MYO5B: variants seen among roughly 807,000 people sequenced by gnomAD.
The protein encoded by MYO5B is unconventional myosin-Vb.
In MYO5B, 143 loss-of-function variants were observed where a neutral mutation model predicts 229.3. The ratio of observed to expected loss-of-function variants is 0.62; its 90% CI spans 0.54 to 0.72. MYO5B has a LOEUF of 0.72. MYO5B is among the 30% of genes least tolerant of loss of function. MYO5B has a pLI of 0.00. For missense variants in MYO5B, 2,321 were observed against 2,331.0 expected, an observed-to-expected ratio of 1.00 and a Z score of 0.09; for synonymous variants, 918 against 885.2, an observed-to-expected ratio of 1.04 and a Z score of -0.66.
chr18:49,933,395 G>A (rs530969414), intron 16 of MYO5B, among the ~76,000 whole-genome samples: 1 of 152,204 alleles, frequency 6.6e-6, no homozygotes, highest in Non-Finnish European at 1.5e-5. Context: ...AATTCCTTAA[G>A]CATAGGGGAC....
At chr18:50,082,632 T>C (rs181822967) in intron 1 of MYO5B, among the ~76,000 whole-genome samples, 17 of 152,322 alleles carry the variant, frequency 1.1e-4, no homozygotes, top group Non-Finnish European at 2.4e-4. Flanking sequence ...AACTGTAGGA[T>C]TGGGACCTCA....
chr18:50,138,956 A>G (rs1471798187), intron 1 of MYO5B, among the ~76,000 whole-genome samples: 1 of 152,152 alleles, frequency 6.6e-6, no homozygotes, highest in African/African-American at 2.4e-5. Flanking sequence ...CTCACCCTCA[A>G]CATCTGCCTC....
intron 22 of MYO5B, among the ~76,000 whole-genome samples, chr18:49,882,207 G>A (rs2144110633): frequency 6.6e-6 from 1 of 152,268 alleles, no homozygotes. Context: ...ACGGCTGGCT[G>A]ATCCGTCACC....
chr18:50,070,957 A>C (rs1397642048), intron 1 of MYO5B, among the ~76,000 whole-genome samples: 2 of 152,140 alleles, frequency 1.3e-5, no homozygotes, highest in Non-Finnish European at 2.9e-5. Context: ...GGTAGCTGGG[A>C]CATTTGGGCC....
intron 2 of MYO5B, among the ~76,000 whole-genome samples, chr18:50,050,116 C>T (rs2144408728): frequency 6.6e-6 from 1 of 152,184 alleles, no homozygotes; most frequent in South Asian, 2.1e-4. Flanking sequence ...CATAACTGAG[C>T]AACTGAAAGC....
intron 1 of MYO5B, among the ~76,000 whole-genome samples, chr18:50,129,224 C>G (rs983525614): frequency 1.3e-5 from 2 of 152,208 alleles, no homozygotes; most frequent in African/African-American, 4.8e-5. Context: ...ATTCCTGGAG[C>G]TGGAGCTAGA....
chr18:49,950,460 A>C (rs1411595558), intron 14 of MYO5B, among the ~76,000 whole-genome samples: 1 of 152,224 alleles, frequency 6.6e-6, no homozygotes, highest in African/African-American at 2.4e-5. Flanking sequence ...ATAATTGTAC[A>C]GAAGTATGCA....
intron 9 of MYO5B, among the ~76,000 whole-genome samples, chr18:49,975,877 C>T (rs1259816303): frequency 6.6e-6 from 1 of 152,160 alleles, no homozygotes; most frequent in East Asian, 1.9e-4. Flanking sequence ...GAGTCTTGAC[C>T]CTCATTTACC....
In MYO5B at chr18:50,040,299, T is replaced by C. The variant is rs761877616; in HGVS notation, c.154A>G (p.Ile52Val). 33 of 1,614,004 alleles carry C rather than the reference T, an allele frequency of 2.0e-5. No homozygotes were observed. Among genetic ancestry groups the C allele is most frequent in the African/African-American group, 5.3e-5 (4 of 74,912 alleles). ...LEDETILEYP[I>V]DVQRNQLPFL... ...GGCAGCTGGTTGCGTTGTACATCAA[T>C]TGGGTATTCCAGAATCTAAAGACAT... Residue 52 changes from isoleucine to valine, a missense_variant, in exon 3 of 40, where the codon ATT becomes GTT. Ile to Val is a conservative substitution (Grantham distance 29). Coordinates refer to ENST00000285039, the MANE Select transcript of MYO5B (RefSeq NM_001080467.3).
At chr18:49,876,130 C>A (rs1242102349) in intron 25 of MYO5B, 2 of 403,006 alleles carry the variant, frequency 5.0e-6, no homozygotes, top group Non-Finnish European at 9.4e-6. Context: ...AACACAGGCA[C>A]TTTCTTTGGA....
chr18:49,974,299 C>G, intron 10 of MYO5B, 51 bp downstream of exon 10: 1 of 1,613,236 alleles, frequency 6.2e-7, no homozygotes, highest in Non-Finnish European at 8.5e-7. Flanking sequence ...AAAGTATGAG[C>G]AGGAAGCCAC....
chr18:50,127,609 G>A (rs1025862685), intron 1 of MYO5B, among the ~76,000 whole-genome samples: 10 of 152,222 alleles, frequency 6.6e-5, no homozygotes, highest in African/African-American at 2.4e-4. Context: ...AGCCAGTCAA[G>A]TGTAAGTTGA....
At chr18:49,842,738 C>T (rs144515663) in intron 34 of MYO5B, among the ~76,000 whole-genome samples, 98 of 152,306 alleles carry the variant, frequency 6.4e-4, no homozygotes, top group African/African-American at 2.1e-3. Context: ...TAACACCATG[C>T]GGCAAGCCCT....
chr18:49,891,559 C>T (rs1257093513), intron 22 of MYO5B, among the ~76,000 whole-genome samples: 2 of 152,188 alleles, frequency 1.3e-5, no homozygotes, highest in Non-Finnish European at 2.9e-5. Context: ...AGCTTCTGTG[C>T]TTTCTGCAGC....
At chr18:49,845,761 T>C (rs955199636) in intron 33 of MYO5B, among the ~76,000 whole-genome samples, 1 of 152,060 alleles carries the variant, frequency 6.6e-6, no homozygotes, top group African/African-American at 2.4e-5. Context: ...CTGGACTGGG[T>C]TGGTACAGAG....
At chr18:50,045,136 A>G (rs913950166) in intron 2 of MYO5B, among the ~76,000 whole-genome samples, 25 of 152,318 alleles carry the variant, frequency 1.6e-4, no homozygotes, top group African/African-American at 6.0e-4. Context: ...AACAGAACTC[A>G]GTTTTGTATG....
chr18:49,919,124 C>T (rs1334293745), intron 17 of MYO5B, among the ~76,000 whole-genome samples: 3 of 152,184 alleles, frequency 2.0e-5, no homozygotes, highest in African/African-American at 7.2e-5. Flanking sequence ...AACAAATGGT[C>T]CTGGGACAAA....
intron 10 of MYO5B, among the ~76,000 whole-genome samples, chr18:49,966,635 C>T (rs1394555179): frequency 6.6e-6 from 1 of 152,212 alleles, no homozygotes; most frequent in Non-Finnish European, 1.5e-5. Flanking sequence ...CAGAGCTGTG[C>T]TAAGCTCCAC....
chr18:49,938,710 C>T (rs936156354), intron 14 of MYO5B, among the ~76,000 whole-genome samples: 2 of 152,150 alleles, frequency 1.3e-5, no homozygotes, highest in African/African-American at 4.8e-5. Flanking sequence ...CCTTGCAAAA[C>T]CATCCAACTG....
Sources: gnomAD v4.1 joint callset for allele counts (sites outside exome capture counted in the v4.1 genomes callset) on GRCh38, gnomAD v4.1.1 for gene constraint, MANE v1.5 for transcripts, NCBI Gene and HGNC (gene_info 2026-07-23, HGNC 2026-07-21) for gene names.